The following CNTN4 variants were observed in gnomAD, a reference collection of about 807,000 sequenced individuals.
The protein encoded by CNTN4 is contactin-4.
CNTN4 carries 77 observed loss-of-function variants against 122.5 expected under a neutral mutation model. The ratio of observed to expected loss-of-function variants is 0.63; its 90% CI spans 0.52 to 0.76. The LOEUF (loss-of-function observed/expected upper bound fraction) is 0.76. Among genes scored for constraint, CNTN4 ranks in the 30% least tolerant of loss-of-function variants. The pLI is 0.00. For missense variants in CNTN4, 1,256 were observed against 1,259.1 expected, an observed-to-expected ratio of 1.00 and a Z score of 0.04; for synonymous variants, 512 against 447.0, an observed-to-expected ratio of 1.15 and a Z score of -1.83.
chr3:2,287,816 G>A (rs1471555525), intron 2 of CNTN4, among the ~76,000 whole-genome samples: 3 of 151,576 alleles, frequency 2.0e-5, no homozygotes, highest in Admixed American at 6.6e-5. Context: ...AGGAGGAAGA[G>A]GAAGAAGAAG....
At chr3:2,643,066 A>C (rs1164345160) in intron 4 of CNTN4, among the ~76,000 whole-genome samples, 2 of 152,240 alleles carry the variant, frequency 1.3e-5, no homozygotes, top group African/African-American at 4.8e-5. Flanking sequence ...GGAAGGGCTT[A>C]AACAATGCAC....
intron 6 of CNTN4, among the ~76,000 whole-genome samples, chr3:2,777,077 T>C (rs1260134229): frequency 6.6e-6 from 1 of 152,144 alleles, no homozygotes; most frequent in Non-Finnish European, 1.5e-5. Flanking sequence ...GCCTCCCAGG[T>C]TCAGGCAATT....
At chr3:2,348,993 T>A (rs1294436806) in intron 3 of CNTN4, among the ~76,000 whole-genome samples, 5 of 152,220 alleles carry the variant, frequency 3.3e-5, no homozygotes, top group Non-Finnish European at 4.4e-5. Flanking sequence ...TTAAATCTGA[T>A]GAGCTTTTAG....
At chr3:2,862,949 C>T (rs2093685476) in intron 7 of CNTN4, among the ~76,000 whole-genome samples, 1 of 152,154 alleles carries the variant, frequency 6.6e-6, no homozygotes, top group Non-Finnish European at 1.5e-5. Context: ...CTAGATGGGA[C>T]ACTGGAATGA....
chr3:2,179,926 A>G (rs925833504), intron 2 of CNTN4, among the ~76,000 whole-genome samples: 4 of 152,054 alleles, frequency 2.6e-5, no homozygotes, highest in Non-Finnish European at 5.9e-5. Context: ...GTTGTAAAAA[A>G]GATTAGTGAA....
Position 2,988,124 on chromosome 3 carries a change from T to G in CNTN4, c.1359-221T>G, listed in dbSNP as rs115135887. Among the ~76,000 whole-genome samples, 1,017 of 152,260 alleles carry G rather than the reference T, an allele frequency of 6.7e-3. 10 individuals carry two copies. The highest frequency in any genetic ancestry group is 0.022 in the African/African-American group (931 of 41,544). On this transcript the variant is annotated intron_variant, in intron 13 of 24. Transcript: ENST00000418658. ...TATTCCAACTGACTGTTGAGACCAT[T>G]TTAGCAAGAAAAGAATTAAAAACAC...
At chr3:2,767,765 A>C (rs1004040066) in intron 6 of CNTN4, among the ~76,000 whole-genome samples, 6 of 152,212 alleles carry the variant, frequency 3.9e-5, no homozygotes, top group Admixed American at 3.9e-4. Context: ...TCTCTAATGG[A>C]AGTTCATCAG....
At chr3:2,719,317 A>G (rs1341249939) in intron 4 of CNTN4, among the ~76,000 whole-genome samples, 2 of 148,910 alleles carry the variant, frequency 1.3e-5, no homozygotes, top group African/African-American at 5.0e-5. Flanking sequence ...TTTTTTTTAG[A>G]CAGAGTCTCA....
At chr3:2,367,971 C>T (rs1183798929) in intron 3 of CNTN4, among the ~76,000 whole-genome samples, 2 of 151,552 alleles carry the variant, frequency 1.3e-5, no homozygotes, top group Non-Finnish European at 2.9e-5. Flanking sequence ...TGAACCTTCT[C>T]AGTGGTTCAC....
chr3:2,744,635 T>C (rs2089656695), intron 5 of CNTN4, among the ~76,000 whole-genome samples: 1 of 152,192 alleles, frequency 6.6e-6, no homozygotes, highest in African/African-American at 2.4e-5. Context: ...GTTATATTAG[T>C]GCAAACGTTC....
intron 4 of CNTN4, chr3:2,735,924 G>C: frequency 1.9e-6 from 1 of 540,152 alleles, no homozygotes; most frequent in Non-Finnish European, 3.6e-6. Context: ...AAGACAAGCA[G>C]AACAATACAT....
intron 6 of CNTN4, among the ~76,000 whole-genome samples, chr3:2,757,211 T>C (rs2090377272): frequency 6.6e-6 from 1 of 152,112 alleles, no homozygotes. Flanking sequence ...GATAATGAAA[T>C]GGGGACTGCA....
intron 2 of CNTN4, among the ~76,000 whole-genome samples, chr3:2,107,293 T>C (rs2032529156): frequency 6.6e-6 from 1 of 152,204 alleles, no homozygotes; most frequent in Non-Finnish European, 1.5e-5. Flanking sequence ...TATAAAGAAC[T>C]ACCCAAGACT....
At chr3:3,009,381 TTTC>T (rs1257866330) in intron 14 of CNTN4, among the ~76,000 whole-genome samples, 1 of 152,130 alleles carries the variant, frequency 6.6e-6, no homozygotes, top group Non-Finnish European at 1.5e-5. Flanking sequence ...GAAACACCCT[TTTC>T]TTGCTACTGT....
chr3:2,861,978 T>A (rs966489731), intron 7 of CNTN4, among the ~76,000 whole-genome samples: 1 of 152,222 alleles, frequency 6.6e-6, no homozygotes, highest in African/African-American at 2.4e-5. Flanking sequence ...CCTAACAGAA[T>A]CAGCTCTTCT....
chr3:2,248,851 A>G (rs956466382), intron 2 of CNTN4, among the ~76,000 whole-genome samples: 2 of 151,998 alleles, frequency 1.3e-5, no homozygotes, highest in Non-Finnish European at 2.9e-5. Flanking sequence ...GTGTAATGAA[A>G]TTCAGCTGAA....
intron 7 of CNTN4, among the ~76,000 whole-genome samples, chr3:2,825,996 T>A (rs1446093640): frequency 6.6e-6 from 1 of 152,150 alleles, no homozygotes; most frequent in Non-Finnish European, 1.5e-5. Flanking sequence ...GTGCTTTAAT[T>A]TATATTATAT....
chr3:2,163,144 T>C (rs748063334), intron 2 of CNTN4, among the ~76,000 whole-genome samples: 7 of 152,086 alleles, frequency 4.6e-5, no homozygotes, highest in Non-Finnish European at 1.0e-4. Context: ...GGTACTGGTA[T>C]AAAAATAGCC....
At chr3:3,016,912 G>C (rs1697810821) in intron 14 of CNTN4, among the ~76,000 whole-genome samples, 1 of 152,158 alleles carries the variant, frequency 6.6e-6, no homozygotes, top group South Asian at 2.1e-4. Context: ...TCCAGTTTGT[G>C]CTCACGCCGA....
Sources: allele counts gnomAD v4.1 joint callset (sites outside exome capture counted in the v4.1 genomes callset), GRCh38; gene constraint gnomAD v4.1.1; transcripts MANE v1.5; gene names NCBI Gene and HGNC (gene_info 2026-07-23, HGNC 2026-07-21).